Variants in RBFOX1 observed in about 807,000 individuals in gnomAD.
RBFOX1 encodes RNA binding fox-1 homolog 1.
Under a neutral mutation model 57.7 loss-of-function variants are expected in RBFOX1, and 8 were observed. The ratio of observed to expected loss-of-function variants is 0.14; its 90% CI spans 0.08 to 0.25. The LOEUF is 0.25. Among genes scored for constraint, RBFOX1 ranks in the 10% least tolerant of loss-of-function variants. The pLI, the probability that RBFOX1 is intolerant of heterozygous loss-of-function variation, is 1.00. For synonymous variants in RBFOX1, 326 were observed against 222.4 expected (o/e 1.47, Z -4.15); for missense variants, 611 against 548.5 (o/e 1.11, Z -1.14).
At chr16:7,469,352 G>C (rs989366291) in intron 4 of RBFOX1, among the ~76,000 whole-genome samples, 1 of 152,040 alleles carries the variant, frequency 6.6e-6, no homozygotes, top group Non-Finnish European at 1.5e-5. Context: ...GTGAGCCACC[G>C]CACCTGGCCC....
intron 2 of RBFOX1, among the ~76,000 whole-genome samples, chr16:6,503,044 T>G (rs2095983850): frequency 6.6e-6 from 1 of 152,182 alleles, no homozygotes; most frequent in African/African-American, 2.4e-5. Context: ...TAGTATAATA[T>G]GTATTTATAA....
rs1601887986 is a variant in RBFOX1, at chr16:6,625,730, A to G, written c.-63-28873A>G. On this transcript the variant is annotated intron_variant, in intron 2 of 15. Transcript: ENST00000550418. Reference sequence around the variant, plus strand: ...TAATCTTGTTTCTGTTATTTCCACCATATTTTTCAATCCAGTGAGCCTCAT... The same window carrying G: ...TAATCTTGTTTCTGTTATTTCCACCGTATTTTTCAATCCAGTGAGCCTCAT... Among the ~76,000 whole-genome samples, 3 of 151,572 alleles carry G rather than the reference A, an allele frequency of 2.0e-5. No homozygotes were observed. The South Asian group carries it at 6.3e-4, about 32-fold the overall frequency.
intron 4 of RBFOX1, among the ~76,000 whole-genome samples, chr16:7,400,946 A>G (rs2098231852): frequency 6.6e-6 from 1 of 152,184 alleles, no homozygotes; most frequent in South Asian, 2.1e-4. Flanking sequence ...CCACCACGGT[A>G]TTTTATTTCT....
intron 3 of RBFOX1, among the ~76,000 whole-genome samples, chr16:6,759,815 C>G (rs1295181930): frequency 6.6e-6 from 1 of 152,060 alleles, no homozygotes; most frequent in East Asian, 1.9e-4. Context: ...ATGTTTATTA[C>G]TAGATTGTTT....
chr16:7,070,854 A>T (rs2057188127), intron 4 of RBFOX1, among the ~76,000 whole-genome samples: 1 of 152,124 alleles, frequency 6.6e-6, no homozygotes, highest in Non-Finnish European at 1.5e-5. Context: ...CACCAAATTG[A>T]CCAAGGGTGA....
intron 3 of RBFOX1, among the ~76,000 whole-genome samples, chr16:5,668,489 C>T (rs564496830): frequency 2.6e-5 from 4 of 152,190 alleles, no homozygotes; most frequent in Admixed American, 6.5e-5. Flanking sequence ...TAACCACTGG[C>T]ACTGCTGGAA....
At chr16:7,040,133 G>T (rs1410641641) in intron 3 of RBFOX1, among the ~76,000 whole-genome samples, 1 of 151,944 alleles carries the variant, frequency 6.6e-6, no homozygotes, top group African/African-American at 2.4e-5. Flanking sequence ...CAATTCTCCT[G>T]CCTCAGCCTC....
chr16:7,266,916 TG>T (rs1190311075), intron 4 of RBFOX1, among the ~76,000 whole-genome samples: 1 of 151,474 alleles, frequency 6.6e-6, no homozygotes, highest in Non-Finnish European at 1.5e-5. Context: ...TGGAGGTTGC[TG>T]GGGGGAGACT....
chr16:6,148,742 G>A (rs897465173), intron 1 of RBFOX1, among the ~76,000 whole-genome samples: 7 of 152,282 alleles, frequency 4.6e-5, no homozygotes, highest in South Asian at 2.1e-4. Context: ...GCCATACTTC[G>A]CTTTATCTAA....
At chr16:7,369,959 A>T (rs965758726) in intron 4 of RBFOX1, among the ~76,000 whole-genome samples, 2 of 152,196 alleles carry the variant, frequency 1.3e-5, no homozygotes, top group African/African-American at 4.8e-5. Context: ...CCACCATGCT[A>T]TTATGTGTCA....
At chr16:6,454,941 C>T (rs4548873) in intron 2 of RBFOX1, among the ~76,000 whole-genome samples, 110,641 of 135,864 alleles carry the variant, frequency 0.81, 45,348 homozygotes, top group Middle Eastern at 0.89. Flanking sequence ...TGGAGTACAG[C>T]GGCACATCTC....
chr16:6,436,740 G>C (rs904090730), intron 2 of RBFOX1, among the ~76,000 whole-genome samples: 1 of 151,856 alleles, frequency 6.6e-6, no homozygotes, highest in Non-Finnish European at 1.5e-5. Context: ...ACCAAACACA[G>C]TTTCCGAGAT....
At chr16:5,454,902 C>CT (rs1430221502) in intron 1 of RBFOX1, among the ~76,000 whole-genome samples, 1,299 of 66,742 alleles carry the variant, frequency 0.019, 77 homozygotes, top group African/African-American at 0.049. Context: ...TTCTTTCTTT[C>CT]TTTCTTTCTT....
intron 3 of RBFOX1, among the ~76,000 whole-genome samples, chr16:5,661,868 C>G (rs2049663194): frequency 6.6e-6 from 1 of 150,534 alleles, no homozygotes; most frequent in African/African-American, 2.5e-5. Context: ...TCACTGCAAC[C>G]TCCACCTCCT....
At chr16:6,349,030 C>T (rs1004122531) in intron 2 of RBFOX1, among the ~76,000 whole-genome samples, 4 of 152,206 alleles carry the variant, frequency 2.6e-5, no homozygotes, top group African/African-American at 4.8e-5. Context: ...CAGGATCTTA[C>T]AGCAGACTTC....
At chr16:6,842,652 C>CTTT (rs5815350) in intron 3 of RBFOX1, among the ~76,000 whole-genome samples, 14,336 of 141,664 alleles carry the variant, frequency 0.1, 906 homozygotes, top group East Asian at 0.31. Flanking sequence ...AATCTATTTG[C>CTTT]TTTTTTTTTT....
intron 2 of RBFOX1, among the ~76,000 whole-genome samples, chr16:6,654,058 G>C (rs939827650): frequency 2.0e-5 from 3 of 151,440 alleles, no homozygotes; most frequent in Non-Finnish European, 4.4e-5. Context: ...ATGGATAGGG[G>C]AAGGATGCAG....
intron 4 of RBFOX1, among the ~76,000 whole-genome samples, chr16:7,439,166 T>C (rs904354437): frequency 1.3e-5 from 2 of 152,156 alleles, no homozygotes; most frequent in Non-Finnish European, 2.9e-5. Context: ...ACGCAGGCCT[T>C]CGCGCTGTGT....
At chr16:6,838,814 A>T (rs1329222049) in intron 3 of RBFOX1, among the ~76,000 whole-genome samples, 1 of 152,178 alleles carries the variant, frequency 6.6e-6, no homozygotes, top group Non-Finnish European at 1.5e-5. Flanking sequence ...AGAATACTCC[A>T]TTCTCAGCTT....
Sources: gnomAD v4.1 joint callset for allele counts (sites outside exome capture counted in the v4.1 genomes callset) on GRCh38, gnomAD v4.1.1 for gene constraint, MANE v1.5 for transcripts, NCBI Gene and HGNC (gene_info 2026-07-23, HGNC 2026-07-21) for gene names.